Variants in PIH1D2 observed in about 807,000 individuals in gnomAD.
PIH1D2 encodes the protein PIH1 domain containing 2, also known as PIH1 domain-containing protein 2.
PIH1D2 carries 25 observed loss-of-function variants against 31.2 expected under a neutral mutation model. That is an observed-to-expected ratio of 0.80 (90% CI 0.58 to 1.12). PIH1D2 has a LOEUF of 1.12. Ranked by LOEUF, PIH1D2 falls within the 50% of genes most tolerant of loss-of-function variation. PIH1D2 has a pLI of 0.00. For missense variants in PIH1D2, 310 were observed against 356.6 expected (o/e 0.87, Z 1.05); for synonymous variants, 116 against 119.9 (o/e 0.97, Z 0.21).
chr11:112,052,596 T>C, the PIH1D2 span, among the ~76,000 whole-genome samples: 1 of 152,138 alleles, frequency 6.6e-6, no homozygotes, highest in Non-Finnish European at 1.5e-5. Flanking sequence ...AGAGCTTCCA[T>C]GTCCTTTCTG....
chr11:112,068,095 A>G, intron 5 of PIH1D2, 90 bp from the exon 6 acceptor site: 1 of 910,568 alleles, frequency 1.1e-6, no homozygotes, highest in Non-Finnish European at 1.6e-6. Context: ...TTGCCATAAA[A>G]AGATCCCATT....
downstream of PIH1D2, among the ~76,000 whole-genome samples, chr11:112,066,088 T>A (rs1285070416): frequency 6.6e-6 from 1 of 152,194 alleles, no homozygotes; most frequent in Admixed American, 6.5e-5. Context: ...GTTTTAAAAG[T>A]AGTAAGAACT....
Position 112,070,263 on chromosome 11 carries a change from T to C in PIH1D2, c.813+173A>G, listed in dbSNP as rs1018565664. On this transcript the variant is annotated intron_variant, in intron 5 of 5. Coordinates refer to ENST00000280350, the MANE Select transcript of PIH1D2 (RefSeq NM_138789.4). Reference sequence around the variant, plus strand: ...TCCACTGCATGGTTTGATCATTCTATTTTCCCTTTGCTGAGATGTGAATGG... The same window carrying C: ...TCCACTGCATGGTTTGATCATTCTACTTTCCCTTTGCTGAGATGTGAATGG... 12 of 717,892 alleles carry C rather than the reference T, an allele frequency of 1.7e-5. No individual in the cohort carries two copies. In the South Asian group the frequency reaches 2.1e-4, roughly 13 times the overall value. The allele number at this position is 717,892 out of a possible 1,614,324, so 44.5% of individuals were successfully genotyped here.
At chr11:112,062,577 C>G (rs1327672600), downstream of PIH1D2, 35 of 1,599,736 alleles carry the variant, frequency 2.2e-5, no homozygotes, top group Non-Finnish European at 2.6e-5. Context: ...CACACTGATT[C>G]ATTCTTAACA....
chr11:112,070,257 A>G, intron 5 of PIH1D2, 179 bp downstream of exon 5: 1 of 695,260 alleles, frequency 1.4e-6, no homozygotes, highest in South Asian at 1.9e-5. Context: ...TGGTTTGATC[A>G]TTCTATTTTC....
rs1235507948 is a variant in PIH1D2 at position 112,071,707 on chromosome 11, G to A, written c.229C>T (p.Pro77Ser). 1 of 1,613,590 alleles carries A rather than the reference G, an allele frequency of 6.2e-7. No homozygotes were observed. The highest frequency in any genetic ancestry group is 1.3e-5 in the African/African-American group (1 of 74,912). ...GGATGAGTGGTTGATTGGGGAGCTG[G>A]GATCCTTGTCCACTGACACAGGTTG... ...FINLCQWTRI[P>S]APQSTTHPVP... is the part of the protein sequence containing the mutation. The change falls in exon 3 of 6, where the codon CCA (proline) becomes TCA (serine). Residue 77 changes from proline (P) to serine (S), a missense_variant. Transcript: ENST00000280350.
chr11:112,053,441 G>GT, the PIH1D2 span, among the ~76,000 whole-genome samples: 1,741 of 150,912 alleles, frequency 0.012, 27 homozygotes, highest in African/African-American at 0.028. Context: ...ACAACTGTTT[G>GT]TTTTTTTTTG....
At chr11:112,062,784 TG>T, downstream of PIH1D2, 1 of 451,754 alleles carries the variant, frequency 2.2e-6, no homozygotes, top group East Asian at 4.6e-5. Context: ...GACATGTATG[TG>T]GCCTTGCCTA....
intron 3 of PIH1D2, 129 bp downstream of exon 3, chr11:112,071,506 T>A (rs1231444994): frequency 1.2e-5 from 16 of 1,323,982 alleles, no homozygotes; most frequent in Non-Finnish European, 1.6e-5. Flanking sequence ...TAAATTTGCA[T>A]AAAGATACAC....
Position 112,070,500 on chromosome 11 carries a change from A to G in PIH1D2, c.749T>C (p.Ile250Thr), listed in dbSNP as rs782241698. ...VHDHSEKPLK[I>T]ELKVELPGIN... is the part of the protein sequence containing the mutation. ...ACCAGGTAATTCAACTTTCAACTCAATTTTCAGAGGTTTCTCACTGTGATC... is the reference window on the plus strand; with the variant it reads ...ACCAGGTAATTCAACTTTCAACTCAGTTTTCAGAGGTTTCTCACTGTGATC... Residue 250 changes from isoleucine (I) to threonine (T), a missense_variant, in exon 5 of 6, where the codon ATT becomes ACT. Coordinates refer to ENST00000280350, the MANE Select transcript of PIH1D2 (RefSeq NM_138789.4). 3 of 1,614,062 alleles carry G rather than the reference A, an allele frequency of 1.9e-6. No homozygotes were observed. The highest frequency in any genetic ancestry group is 2.5e-6 in the Non-Finnish European group (3 of 1,179,986).
intron 5 of PIH1D2, among the ~76,000 whole-genome samples, chr11:112,068,474 T>C (rs1174581979): frequency 6.6e-5 from 10 of 152,148 alleles, no homozygotes; most frequent in African/African-American, 1.9e-4. Flanking sequence ...GAATGGACCA[T>C]TTTGCAAGTC....
At chr11:112,062,428 TCTGTTA>T, downstream of PIH1D2, 1 of 1,612,610 alleles carries the variant, frequency 6.2e-7, no homozygotes, top group Non-Finnish European at 8.5e-7. Flanking sequence ...TAGCATGATG[TCTGTTA>T]CACTCAGTTG....
the PIH1D2 span, among the ~76,000 whole-genome samples, chr11:112,058,002 G>A: frequency 1.3e-5 from 2 of 152,182 alleles, no homozygotes; most frequent in East Asian, 3.8e-4. Flanking sequence ...TAGGAGATCA[G>A]AAAATTCATG....
rs1555184390 is a variant in PIH1D2 at position 112,070,495 on chromosome 11, A to G, written c.754T>C (p.Leu252=). The change falls in exon 5 of 6, where the codon TTG becomes CTG. Residue 252 remains leucine (L), a synonymous_variant. Coordinates refer to ENST00000280350, the MANE Select transcript of PIH1D2 (RefSeq NM_138789.4). ...DHSEKPLKIE[L]KVELPGINSV... is the part of the protein sequence containing the mutation. ...TTAATACCAGGTAATTCAACTTTCA[A>G]CTCAATTTTCAGAGGTTTCTCACTG... 6.2e-7 allele frequency: 1 copy of G among 1,614,084 alleles called. No homozygotes were observed. Among genetic ancestry groups the G allele is most frequent in the Admixed American group, 1.7e-5 (1 of 60,012 alleles).
intron 5 of PIH1D2, among the ~76,000 whole-genome samples, chr11:112,068,285 G>A (rs1348637913): frequency 6.6e-6 from 1 of 152,154 alleles, no homozygotes; most frequent in Non-Finnish European, 1.5e-5. Context: ...AGCCTGGAAA[G>A]GTAGTGATCC....
intron 2 of PIH1D2, 100 bp downstream of exon 2, chr11:112,072,898 A>AG: frequency 8.3e-7 from 1 of 1,199,550 alleles, no homozygotes; most frequent in Non-Finnish European, 1.1e-6. Flanking sequence ...ACAAAAAAAA[A>AG]ACAAAAAAAA....
At chr11:112,065,853 C>A (rs1864904703), downstream of PIH1D2, among the ~76,000 whole-genome samples, 1 of 152,046 alleles carries the variant, frequency 6.6e-6, no homozygotes, top group Non-Finnish European at 1.5e-5. Flanking sequence ...TGGTGGCAGT[C>A]GCCTGTAATC....
At chr11:112,055,503 C>A in the PIH1D2 span, among the ~76,000 whole-genome samples, 6 of 152,074 alleles carry the variant, frequency 3.9e-5, no homozygotes, top group Admixed American at 2.0e-4. Flanking sequence ...CTTGGCCTCC[C>A]AAAGTGCTGG....
At chr11:112,062,764 C>G (rs1864715718), downstream of PIH1D2, 2 of 496,770 alleles carry the variant, frequency 4.0e-6, no homozygotes, top group Non-Finnish European at 7.2e-6. Context: ...CTCTGTACTC[C>G]TAATTAAGGG....
Sources: gnomAD v4.1 joint callset for allele counts (sites outside exome capture counted in the v4.1 genomes callset) on GRCh38, gnomAD v4.1.1 for gene constraint, MANE v1.5 for transcripts, NCBI Gene and HGNC (gene_info 2026-07-23, HGNC 2026-07-21) for gene names.